MECOM: variants seen among roughly 807,000 people sequenced by gnomAD.
MECOM encodes histone-lysine N-methyltransferase MECOM.
Under a neutral mutation model 116.3 loss-of-function variants are expected in MECOM, and 13 were observed. The ratio of observed to expected loss-of-function variants is 0.11; its 90% CI spans 0.07 to 0.18. MECOM has a LOEUF of 0.18. MECOM is among the 10% of genes least tolerant of loss of function. The pLI, the probability that MECOM is intolerant of heterozygous loss-of-function variation, is 1.00. For missense variants in MECOM, 1,299 were observed against 1,509.0 expected, an observed-to-expected ratio of 0.86 and a Z score of 2.31; for synonymous variants, 528 against 535.2, an observed-to-expected ratio of 0.99 and a Z score of 0.19.
intron 16 of MECOM, among the ~76,000 whole-genome samples, chr3:169,088,030 T>G (rs924084535): frequency 6.6e-6 from 1 of 152,194 alleles, no homozygotes; most frequent in African/African-American, 2.4e-5. Context: ...GACACAATGT[T>G]TTTCCCAACT....
At chr3:169,500,522 CTGAG>C (rs1460772354) in intron 1 of MECOM, among the ~76,000 whole-genome samples, 5 of 151,904 alleles carry the variant, frequency 3.3e-5, no homozygotes, top group African/African-American at 9.7e-5. Context: ...GTACTTGTTT[CTGAG>C]TGACATGATT....
At chr3:169,304,675 G>A (rs949580884) in intron 2 of MECOM, among the ~76,000 whole-genome samples, 3 of 152,106 alleles carry the variant, frequency 2.0e-5, no homozygotes, top group African/African-American at 4.8e-5. Context: ...TGAAAATTCC[G>A]ACAACTTTGA....
chr3:169,520,287 T>G (rs1296986858), intron 1 of MECOM, among the ~76,000 whole-genome samples: 1 of 152,236 alleles, frequency 6.6e-6, no homozygotes, highest in Non-Finnish European at 1.5e-5. Context: ...TTTTCATAAG[T>G]AAATTTGAAT....
In MECOM at chr3:169,472,509, A is replaced by AAGGGAAAG. The variant is rs1560317615; in HGVS notation, c.38-90986_38-90985insCTTTCCCT. 4.8e-4 allele frequency among the ~76,000 whole-genome samples: 44 copies of AAGGGAAAG among 91,912 alleles called. 2 individuals are homozygous for AAGGGAAAG. The highest frequency in any genetic ancestry group is 8.2e-4 in the Non-Finnish European group (39 of 47,340). The allele number at this position is 91,912 out of a possible 152,430, so 60.3% of individuals were successfully genotyped here. A position where few individuals can be genotyped will look rare whatever the true frequency, so the allele number is the denominator to read the frequency against. ...AAAGGAAAGGAAAGGAAAGGAAAGGAAAGGAAAGGAAAGAAAAGAAAAGAA... is the reference window on the plus strand; with the variant it reads ...AAAGGAAAGGAAAGGAAAGGAAAGGAAGGGAAAGAAGGAAAGGAAAGAAAAGAAAAGAA... On this transcript the variant is annotated intron_variant, in intron 1 of 16. Transcript: ENST00000651503.
chr3:169,609,708 C>T (rs1163357605), intron 1 of MECOM, among the ~76,000 whole-genome samples: 1 of 152,030 alleles, frequency 6.6e-6, no homozygotes, highest in East Asian at 1.9e-4. Flanking sequence ...GAATTCAGAC[C>T]ATCCCCAACT....
intron 1 of MECOM, among the ~76,000 whole-genome samples, chr3:169,545,380 C>T (rs1760606782): frequency 6.6e-6 from 1 of 152,062 alleles, no homozygotes; most frequent in African/African-American, 2.4e-5. Context: ...GGGGTATAAT[C>T]CTTAGCTCCT....
At chr3:169,186,249 A>G (rs1183477967) in intron 2 of MECOM, among the ~76,000 whole-genome samples, 1 of 152,006 alleles carries the variant, frequency 6.6e-6, no homozygotes, top group South Asian at 2.1e-4. Flanking sequence ...GGGCTAAAAC[A>G]TTTGAGAAAT....
At chr3:169,647,330 G>A (rs573953277) in intron 1 of MECOM, among the ~76,000 whole-genome samples, 2 of 152,304 alleles carry the variant, frequency 1.3e-5, no homozygotes, top group African/African-American at 4.8e-5. Context: ...TAACTGCAGT[G>A]ACGCATGAAC....
At chr3:169,662,015 A>G (rs1776346210) in intron 1 of MECOM, among the ~76,000 whole-genome samples, 1 of 152,216 alleles carries the variant, frequency 6.6e-6, no homozygotes, top group Non-Finnish European at 1.5e-5. Flanking sequence ...AGTGTCCCTG[A>G]GTCCCCTTCA....
intron 3 of MECOM, among the ~76,000 whole-genome samples, chr3:169,132,236 G>A (rs1201339749): frequency 6.6e-6 from 1 of 152,088 alleles, no homozygotes; most frequent in Non-Finnish European, 1.5e-5. Flanking sequence ...AAAGTGCTGA[G>A]GAGAGGAAGC....
At chr3:169,196,276 C>A (rs1748398478) in intron 2 of MECOM, among the ~76,000 whole-genome samples, 1 of 151,972 alleles carries the variant, frequency 6.6e-6, no homozygotes, top group South Asian at 2.1e-4. Context: ...CAATTCTCAG[C>A]TATCATATGT....
chr3:169,627,288 A>G (rs1285860240), intron 1 of MECOM, among the ~76,000 whole-genome samples: 1 of 152,222 alleles, frequency 6.6e-6, no homozygotes, highest in African/African-American at 2.4e-5. Flanking sequence ...GCAGAGCCTC[A>G]GAGAAATGAG....
At chr3:169,278,556 T>C (rs567582394) in intron 2 of MECOM, among the ~76,000 whole-genome samples, 1 of 152,238 alleles carries the variant, frequency 6.6e-6, no homozygotes, top group Non-Finnish European at 1.5e-5. Flanking sequence ...AAACAGTACC[T>C]GCTAAGGATG....
chr3:169,098,257 T>A (rs1722371815), intron 12 of MECOM, among the ~76,000 whole-genome samples: 4 of 152,204 alleles, frequency 2.6e-5, no homozygotes, highest in Admixed American at 1.3e-4. Context: ...CAGGATCTGA[T>A]CTATGATCCC....
At chr3:169,335,523 T>C (rs1398041188) in intron 2 of MECOM, among the ~76,000 whole-genome samples, 1 of 152,086 alleles carries the variant, frequency 6.6e-6, no homozygotes, top group Non-Finnish European at 1.5e-5. Flanking sequence ...GGGCAAAGTT[T>C]GTTCCAGGGA....
intron 3 of MECOM, among the ~76,000 whole-genome samples, chr3:169,136,095 T>C (rs1412179035): frequency 6.6e-6 from 1 of 151,670 alleles, no homozygotes; most frequent in African/African-American, 2.4e-5. Context: ...CTGAAAGCAA[T>C]TCCAAATGCA....
rs115957523 is a variant in MECOM, at chr3:169,500,047, T to C, written c.38-118523A>G. 8.3e-3 allele frequency among the ~76,000 whole-genome samples: 1,260 copies of C among 152,176 alleles called. 17 individuals carry two copies. Among genetic ancestry groups the C allele is most frequent in the African/African-American group, 0.029 (1,208 of 41,558 alleles). On this transcript the variant is annotated intron_variant, in intron 1 of 16. Transcript: ENST00000651503. ...GTGAAATTTCCCAGACAGCACTATA[T>C]TCAATCAGTTACATTTTATAGTTTT...
chr3:169,147,447 T>C, intron 2 of MECOM: 2 of 985,438 alleles, frequency 2.0e-6, no homozygotes, highest in Non-Finnish European at 2.4e-6. Context: ...GAAAGGGAGC[T>C]ATCTCCCGCC....
intron 1 of MECOM, among the ~76,000 whole-genome samples, chr3:169,457,185 C>G (rs1320571360): frequency 2.6e-5 from 4 of 152,172 alleles, no homozygotes; most frequent in Admixed American, 2.6e-4. Context: ...CTTCCAAGCA[C>G]CCCTTCCCCG....
Sources: allele counts gnomAD v4.1 joint callset (sites outside exome capture counted in the v4.1 genomes callset), GRCh38; gene constraint gnomAD v4.1.1; transcripts MANE v1.5; gene names NCBI Gene and HGNC (gene_info 2026-07-23, HGNC 2026-07-21).